The following ENOX2 variants were observed in gnomAD, a reference collection of about 807,000 sequenced individuals.
The protein encoded by ENOX2 is APK1 antigen.
ENOX2 carries 36 observed loss-of-function variants against 45.0 expected under a neutral mutation model. That is an observed-to-expected ratio of 0.80 (90% confidence interval 0.61 to 1.06). The LOEUF (loss-of-function observed/expected upper bound fraction) is 1.06, where lower values mean the gene tolerates loss of function less well. ENOX2 is among the 50% of genes least tolerant of loss of function. ENOX2 has a pLI of 0.00. For missense variants in ENOX2, 423 were observed against 462.5 expected, an observed-to-expected ratio of 0.91 and a Z score of 0.78; for synonymous variants, 174 against 152.3, an observed-to-expected ratio of 1.14 and a Z score of -1.05.
intron 2 of ENOX2, among the ~76,000 whole-genome samples, chrX:130,816,125 C>A (rs1198978514): frequency 8.9e-6 from 1 of 111,815 alleles, no homozygotes; most frequent in Non-Finnish European, 1.9e-5. Context: ...ATCCTATTCT[C>A]TGATAAAACA....
chrX:130,883,486 T>C lies in ENOX2; in HGVS notation c.-183+18198A>G, dbSNP rs750012366. On this transcript the variant is annotated intron_variant, in intron 2 of 14. Transcript: ENST00000394363. ...CACTCAACTGTACTATGCTCAATAA[T>C]GTCAATCAGTATAGTTTAGCAGCCC... is the stretch of plus-strand genomic sequence containing the variant. Among the ~76,000 whole-genome samples the C allele has an allele frequency of 5.4e-5, 6 of 112,003 alleles. No individual in the cohort carries two copies. In the East Asian group the frequency reaches 1.7e-3, roughly 31 times the overall value.
chrX:130,634,852 G>A (rs2035888058), intron 12 of ENOX2, 132 bp downstream of exon 12: 1 of 429,624 alleles, frequency 2.3e-6, no homozygotes, highest in Non-Finnish European at 4.0e-6. Context: ...CCCCGAGAGG[G>A]GCTTTTAATT....
At chrX:130,791,037 A>C (rs1183863922) in intron 2 of ENOX2, among the ~76,000 whole-genome samples, 1 of 111,982 alleles carries the variant, frequency 8.9e-6, no homozygotes, top group African/African-American at 3.2e-5. Flanking sequence ...TATGTTGCCC[A>C]GGCAGGTAAC....
chrX:130,677,401 A>G (rs1353037173), intron 6 of ENOX2, among the ~76,000 whole-genome samples: 2 of 112,413 alleles, frequency 1.8e-5, no homozygotes, highest in Non-Finnish European at 3.8e-5. Context: ...TCTGCATAGC[A>G]TCTAGCACAA....
chrX:130,829,384 C>T (rs2077778677), intron 2 of ENOX2, among the ~76,000 whole-genome samples: 1 of 111,649 alleles, frequency 9.0e-6, no homozygotes, highest in Non-Finnish European at 1.9e-5. Flanking sequence ...TGAATATCAA[C>T]TGGCTAATTT....
At chrX:130,705,484 A>C (rs1315051795) in intron 3 of ENOX2, among the ~76,000 whole-genome samples, 1 of 112,364 alleles carries the variant, frequency 8.9e-6, no homozygotes, top group Non-Finnish European at 1.9e-5. Context: ...CATGTTAGTA[A>C]GTAGAGTTCC....
At chrX:130,744,886 T>C (rs1569496122) in intron 3 of ENOX2, among the ~76,000 whole-genome samples, 1 of 111,549 alleles carries the variant, frequency 9.0e-6, no homozygotes, top group Non-Finnish European at 1.9e-5. Context: ...CTCCGTCTCC[T>C]GTCAGAGCAG....
chrX:130,646,314 G>A (rs973351244), intron 10 of ENOX2: 4 of 315,666 alleles, frequency 1.3e-5, no homozygotes, highest in Admixed American at 4.1e-5. Flanking sequence ...GCCTGCCAGA[G>A]CTCTTCCCTG....
At chrX:130,777,022 G>A (rs1193484419) in intron 3 of ENOX2, among the ~76,000 whole-genome samples, 1 of 112,026 alleles carries the variant, frequency 8.9e-6, no homozygotes, top group East Asian at 2.8e-4. Flanking sequence ...CATGAGAGAA[G>A]TTAGCATTTC....
intron 3 of ENOX2, among the ~76,000 whole-genome samples, chrX:130,709,597 C>G (rs1482037628): frequency 2.1e-5 from 2 of 96,661 alleles, no homozygotes; most frequent in East Asian, 6.4e-4. Flanking sequence ...GAGATCACAC[C>G]ACTACATTCC....
chrX:130,901,984 T>C (rs1227692418), intron 1 of ENOX2, among the ~76,000 whole-genome samples: 2 of 111,338 alleles, frequency 1.8e-5, no homozygotes, highest in African/African-American at 3.3e-5. Flanking sequence ...AAGCATTTTC[T>C]CCCTCCTCTT....
At chrX:130,777,935 T>G (rs1194534856) in intron 3 of ENOX2, among the ~76,000 whole-genome samples, 3 of 112,175 alleles carry the variant, frequency 2.7e-5, no homozygotes, top group Non-Finnish European at 5.6e-5. Flanking sequence ...TAGTCTACCC[T>G]TTTTCTTATT....
intron 2 of ENOX2, among the ~76,000 whole-genome samples, chrX:130,890,701 C>T (rs752207260): frequency 1.1e-3 from 123 of 112,942 alleles, no homozygotes; most frequent in Non-Finnish European, 1.4e-3. Context: ...AGCTCAAGCT[C>T]CTGCAAAGAA....
intron 3 of ENOX2, among the ~76,000 whole-genome samples, chrX:130,745,597 A>G (rs1603338210): frequency 8.9e-6 from 1 of 112,088 alleles, no homozygotes; most frequent in South Asian, 3.7e-4. Flanking sequence ...TCTTTCCACA[A>G]TCTAGATTCT....
Position 130,666,694 on chromosome X carries a change from C to A in ENOX2, c.907+836G>T, listed in dbSNP as rs751337583. On this transcript the variant is annotated intron_variant, in intron 8 of 14. Transcript: ENST00000394363. ...GTGCTTTTGCCTCCTGGATTTTATG[C>A]CCATATATACTTTCAAAATACAAGT... Among the ~76,000 whole-genome samples, 3 of 111,643 alleles carry A rather than the reference C, an allele frequency of 2.7e-5. No individual in the cohort carries two copies. The East Asian group carries it at 8.4e-4, about 31-fold the overall frequency.
intron 2 of ENOX2, among the ~76,000 whole-genome samples, chrX:130,901,189 A>C: frequency 8.9e-6 from 1 of 112,281 alleles, no homozygotes; most frequent in Non-Finnish European, 1.9e-5. Flanking sequence ...CAGGATGATG[A>C]ACTATACCTA....
At chrX:130,776,535 T>C (rs958392872) in intron 3 of ENOX2, among the ~76,000 whole-genome samples, 2 of 110,785 alleles carry the variant, frequency 1.8e-5, no homozygotes, top group African/African-American at 6.6e-5. Flanking sequence ...TGCTTCCCCT[T>C]TGAGTTCTGC....
intron 2 of ENOX2, among the ~76,000 whole-genome samples, chrX:130,806,105 TCA>T (rs1317648509): frequency 1.8e-5 from 2 of 111,538 alleles, no homozygotes; most frequent in African/African-American, 6.5e-5. Flanking sequence ...ATGCTATGAA[TCA>T]CAGATGACAG....
intron 2 of ENOX2, among the ~76,000 whole-genome samples, chrX:130,865,940 A>G (rs1438707935): frequency 9.0e-6 from 1 of 111,152 alleles, no homozygotes; most frequent in Non-Finnish European, 1.9e-5. Context: ...CTGAAATCCA[A>G]TGATCACCTT....
Sources: gnomAD v4.1 joint callset for allele counts (sites outside exome capture counted in the v4.1 genomes callset) on GRCh38, gnomAD v4.1.1 for gene constraint, MANE v1.5 for transcripts, NCBI Gene and HGNC (gene_info 2026-07-23, HGNC 2026-07-21) for gene names.